Variants in KCNIP4 observed in about 807,000 individuals in gnomAD.
KCNIP4 encodes potassium voltage-gated channel interacting protein 4.
A neutral mutation model predicts 34.0 loss-of-function variants in KCNIP4; 12 were observed. The observed-to-expected ratio is 0.35, with a 90% CI of 0.23 to 0.57. The LOEUF (loss-of-function observed/expected upper bound fraction) is 0.57, where lower values mean the gene tolerates loss of function less well. Among genes scored for constraint, KCNIP4 ranks in the 20% least tolerant of loss-of-function variants. KCNIP4 has a pLI of 0.83. For missense variants in KCNIP4, 238 were observed against 311.7 expected, an observed-to-expected ratio of 0.76 and a Z score of 1.78; for synonymous variants, 124 against 102.2, an observed-to-expected ratio of 1.21 and a Z score of -1.29.
In KCNIP4 at chr4:20,931,932, G is replaced by A. The variant is rs1329768736; in HGVS notation, c.62-49223C>T. On this transcript the variant is annotated intron_variant, in intron 1 of 8. Coordinates refer to ENST00000382152, the MANE Select transcript of KCNIP4 (RefSeq NM_025221.6). ...TAATAGTCTATAACAGTCTAATATT[G>A]TAGACTATAATAGTCTATAACAGTC... Among the ~76,000 whole-genome samples, 4 of 141,440 alleles carry A rather than the reference G, an allele frequency of 2.8e-5. 1 individual carries two copies. The highest frequency in any genetic ancestry group is 4.6e-5 in the Non-Finnish European group (3 of 65,158). 92.8% of individuals were successfully genotyped at this position (141,440 alleles called of 152,430 possible).
chr4:20,903,629 G>A (rs559874210), intron 1 of KCNIP4, among the ~76,000 whole-genome samples: 3 of 152,110 alleles, frequency 2.0e-5, no homozygotes, highest in South Asian at 2.1e-4. Context: ...TGAACCAAAC[G>A]AATGTACTTC....
intron 1 of KCNIP4, among the ~76,000 whole-genome samples, chr4:21,034,650 A>G (rs901442975): frequency 8.5e-5 from 13 of 152,188 alleles, no homozygotes; most frequent in African/African-American, 2.9e-4. Flanking sequence ...TCAGTCACCA[A>G]TGAAGGGGCC....
At chr4:20,966,984 ACAGCCAG>A (rs1024422277) in intron 1 of KCNIP4, among the ~76,000 whole-genome samples, 5 of 152,176 alleles carry the variant, frequency 3.3e-5, no homozygotes, top group African/African-American at 1.2e-4. Context: ...GCACAGGACC[ACAGCCAG>A]CAGCATTTCT....
At chr4:21,308,721 T>A (rs1264501409) in intron 1 of KCNIP4, among the ~76,000 whole-genome samples, 1 of 151,896 alleles carries the variant, frequency 6.6e-6, no homozygotes, top group Non-Finnish European at 1.5e-5. Context: ...AGTGTGTGTG[T>A]GTGTGTGTGT....
chr4:21,380,422 G>T (rs1721373217), intron 1 of KCNIP4, among the ~76,000 whole-genome samples: 1 of 147,462 alleles, frequency 6.8e-6, no homozygotes, highest in African/African-American at 2.5e-5. Context: ...TGGGGGTCTG[G>T]GGGATGATGA....
chr4:21,707,925 A>T (rs906824242), intron 1 of KCNIP4, among the ~76,000 whole-genome samples: 4 of 67,634 alleles, frequency 5.9e-5, no homozygotes, highest in Non-Finnish European at 9.1e-5. Context: ...ATCCTGAAAC[A>T]CACACATACA....
At chr4:21,111,608 A>G (rs1458123205) in intron 1 of KCNIP4, among the ~76,000 whole-genome samples, 1 of 152,200 alleles carries the variant, frequency 6.6e-6, no homozygotes, top group Non-Finnish European at 1.5e-5. Flanking sequence ...GCGTGGCACT[A>G]GAAAAATTCA....
intron 1 of KCNIP4, chr4:20,983,842 A>C: frequency 1.3e-6 from 2 of 1,536,406 alleles, no homozygotes; most frequent in Non-Finnish European, 1.7e-6. Flanking sequence ...GTCCCAGCAA[A>C]TGAAGAAGCT....
At chr4:21,191,030 C>T (rs779785464) in intron 1 of KCNIP4, among the ~76,000 whole-genome samples, 12 of 152,190 alleles carry the variant, frequency 7.9e-5, no homozygotes, top group Non-Finnish European at 1.2e-4. Context: ...TAGCATTACA[C>T]TGAAATTTAA....
At chr4:21,473,945 C>G (rs1730683143) in intron 1 of KCNIP4, among the ~76,000 whole-genome samples, 1 of 151,934 alleles carries the variant, frequency 6.6e-6, no homozygotes, top group African/African-American at 2.4e-5. Flanking sequence ...AACTCCTGAC[C>G]TCAGATGATT....
At chr4:21,610,199 C>A (rs1010891041) in intron 1 of KCNIP4, among the ~76,000 whole-genome samples, 9 of 152,198 alleles carry the variant, frequency 5.9e-5, no homozygotes, top group African/African-American at 2.2e-4. Flanking sequence ...ATGGATAAAC[C>A]AGCAGAAATT....
chr4:21,568,555 G>A (rs1267037462), intron 1 of KCNIP4, among the ~76,000 whole-genome samples: 1 of 152,132 alleles, frequency 6.6e-6, no homozygotes, highest in South Asian at 2.1e-4. Context: ...CAGCATAAAA[G>A]CAGGCATGGA....
intron 1 of KCNIP4, among the ~76,000 whole-genome samples, chr4:21,783,697 T>C (rs2109217841): frequency 6.6e-6 from 1 of 152,258 alleles, no homozygotes; most frequent in Admixed American, 6.5e-5. Context: ...AATATAAACA[T>C]TAAAGACTTA....
chr4:21,511,008 C>A (rs1176852873), intron 1 of KCNIP4, among the ~76,000 whole-genome samples: 1 of 152,038 alleles, frequency 6.6e-6, no homozygotes, highest in East Asian at 1.9e-4. Context: ...TGTTCCACTG[C>A]ACTCCAGCCT....
chr4:21,625,824 A>G (rs1369109020), intron 1 of KCNIP4, among the ~76,000 whole-genome samples: 1 of 152,192 alleles, frequency 6.6e-6, no homozygotes, highest in Admixed American at 6.6e-5. Flanking sequence ...ACAGCAAATC[A>G]TTACACTGTT....
intron 3 of KCNIP4, among the ~76,000 whole-genome samples, chr4:20,780,095 A>G (rs550596611): frequency 4.8e-4 from 73 of 152,316 alleles, no homozygotes; most frequent in Non-Finnish European, 8.1e-4. Flanking sequence ...GAAATCAACC[A>G]TATAGTGCAG....
At chr4:21,745,803 A>T (rs562258738) in intron 1 of KCNIP4, among the ~76,000 whole-genome samples, 57 of 152,206 alleles carry the variant, frequency 3.7e-4, no homozygotes, top group South Asian at 6.2e-4. Flanking sequence ...ACTTTGCAAC[A>T]AATGTAAGAA....
chr4:21,837,009 C>G (rs973359244), intron 1 of KCNIP4, among the ~76,000 whole-genome samples: 1 of 150,652 alleles, frequency 6.6e-6, no homozygotes, highest in Non-Finnish European at 1.5e-5. Flanking sequence ...GCTCTGCCTC[C>G]CGGATTCACT....
intron 3 of KCNIP4, among the ~76,000 whole-genome samples, chr4:20,783,840 G>C (rs1296024039): frequency 1.3e-5 from 2 of 152,124 alleles, no homozygotes; most frequent in African/African-American, 4.8e-5. Flanking sequence ...TAGTAATTAA[G>C]AGTGAGTGAT....
Sources: gnomAD v4.1 joint callset for allele counts (sites outside exome capture counted in the v4.1 genomes callset) on GRCh38, gnomAD v4.1.1 for gene constraint, MANE v1.5 for transcripts, NCBI Gene and HGNC (gene_info 2026-07-23, HGNC 2026-07-21) for gene names.